SLC25A48: variants seen among roughly 807,000 people sequenced by gnomAD.
SLC25A48 encodes solute carrier family 25 member 48, also known as CTC-321K16.1.
Under a neutral mutation model 32.2 loss-of-function variants are expected in SLC25A48, and 29 were observed. The ratio of observed to expected loss-of-function variants is 0.90; its 90% CI spans 0.67 to 1.23. The LOEUF (loss-of-function observed/expected upper bound fraction) is 1.23, where lower values mean the gene tolerates loss of function less well. SLC25A48 is among the 50% of genes most tolerant of loss of function. The pLI is 0.00. For missense variants in SLC25A48, 399 were observed against 422.7 expected, an observed-to-expected ratio of 0.94 and a Z score of 0.49; for synonymous variants, 164 against 172.3, an observed-to-expected ratio of 0.95 and a Z score of 0.38.
chr5:135,850,721 G>A (rs1367588802), intron 3 of SLC25A48, among the ~76,000 whole-genome samples: 1 of 152,252 alleles, frequency 6.6e-6, no homozygotes, highest in Non-Finnish European at 1.5e-5. Flanking sequence ...CTCCAGTTGT[G>A]TGTAACCTCT....
chr5:135,790,110 T>C (rs1254475904), intron 3 of SLC25A48, among the ~76,000 whole-genome samples: 2 of 151,648 alleles, frequency 1.3e-5, no homozygotes, highest in East Asian at 1.9e-4. Context: ...TTGGATATGA[T>C]GAATGATATC....
rs974748408 is a variant in SLC25A48 at position 135,763,138 on chromosome 5, C to A, written c.-520-49385C>A. ...AGAAAAAGACAGTTGAAACACAAAC[C>A]CTGACCGTGGAGAGCTCACAGCCTG... is the stretch of plus-strand genomic sequence containing the variant. On this transcript the variant is annotated intron_variant, in intron 3 of 10. Transcript: ENST00000646290. 5.9e-5 allele frequency among the ~76,000 whole-genome samples: 9 copies of A among 151,980 alleles called. 1 individual carries two copies. Among genetic ancestry groups the A allele is most frequent in the Admixed American group, 3.9e-4 (6 of 15,236 alleles).
At chr5:135,665,455 T>C (rs1369370265) in intron 3 of SLC25A48, among the ~76,000 whole-genome samples, 2 of 152,126 alleles carry the variant, frequency 1.3e-5, no homozygotes, top group Non-Finnish European at 2.9e-5. Flanking sequence ...TATTTTTGTT[T>C]ATTTTATTTT....
intron 4 of SLC25A48, among the ~76,000 whole-genome samples, chr5:135,857,533 C>G (rs558145728): frequency 6.6e-6 from 1 of 152,350 alleles, no homozygotes; most frequent in Non-Finnish European, 1.5e-5. Context: ...TCACGTATCT[C>G]CAAGATGATA....
intron 7 of SLC25A48, among the ~76,000 whole-genome samples, chr5:135,886,763 G>A (rs1276784339): frequency 1.3e-5 from 2 of 149,228 alleles, no homozygotes; most frequent in Non-Finnish European, 3.0e-5. Context: ...GGGTGACAAT[G>A]GCAGGGACCC....
At chr5:135,626,446 C>T (rs557369280) in intron 1 of SLC25A48, among the ~76,000 whole-genome samples, 5 of 152,300 alleles carry the variant, frequency 3.3e-5, no homozygotes, top group African/African-American at 7.2e-5. Flanking sequence ...AATATTAGAA[C>T]ATTGAGCCCT....
At chr5:135,582,640 G>A (rs1318842368) in intron 1 of SLC25A48, among the ~76,000 whole-genome samples, 2 of 152,138 alleles carry the variant, frequency 1.3e-5, no homozygotes, top group African/African-American at 4.8e-5. Context: ...TGGAAGCCAA[G>A]TCCCCAGCAG....
chr5:135,686,512 G>A (rs375956442), intron 3 of SLC25A48, among the ~76,000 whole-genome samples: 3 of 152,184 alleles, frequency 2.0e-5, no homozygotes, highest in Non-Finnish European at 4.4e-5. Context: ...GCTGCTCCCC[G>A]TATGGTGGAG....
intron 1 of SLC25A48, among the ~76,000 whole-genome samples, chr5:135,595,689 G>T (rs1314267984): frequency 2.0e-5 from 3 of 152,164 alleles, no homozygotes; most frequent in Admixed American, 6.5e-5. Context: ...ACTGCTCTGA[G>T]ACTCCATTTC....
At chr5:135,876,225 A>G (rs754628143) in intron 6 of SLC25A48, 13 of 134,946 alleles carry the variant, frequency 9.6e-5, no homozygotes, top group African/African-American at 1.7e-4. Flanking sequence ...TTTCAAGTGG[A>G]TGATTCATTT....
intron 3 of SLC25A48, among the ~76,000 whole-genome samples, chr5:135,647,285 CCTGTT>C (rs1371790877): frequency 6.6e-6 from 1 of 152,102 alleles, no homozygotes; most frequent in African/African-American, 2.4e-5. Flanking sequence ...CTACTAGTGT[CCTGTT>C]CTGTTCCTTG....
At chr5:135,771,737 G>A (rs1028698620) in intron 3 of SLC25A48, among the ~76,000 whole-genome samples, 7 of 151,414 alleles carry the variant, frequency 4.6e-5, no homozygotes, top group African/African-American at 1.7e-4. Flanking sequence ...TAATATCCAA[G>A]GGGAGAGAGG....
chr5:135,766,076 G>T (rs1580854567), intron 3 of SLC25A48, among the ~76,000 whole-genome samples: 1 of 151,514 alleles, frequency 6.6e-6, no homozygotes, highest in Non-Finnish European at 1.5e-5. Flanking sequence ...TCCAGCGGGA[G>T]AGAGTAATAT....
At chr5:135,843,066 G>A (rs1163413862) in intron 2 of SLC25A48, among the ~76,000 whole-genome samples, 1 of 152,214 alleles carries the variant, frequency 6.6e-6, no homozygotes, top group Non-Finnish European at 1.5e-5. Context: ...CTTGCTCCCT[G>A]TATGAAAATG....
chr5:135,714,749 G>A (rs1250945042), intron 3 of SLC25A48: 2 of 152,292 alleles, frequency 1.3e-5, no homozygotes, highest in Admixed American at 6.5e-5. Context: ...GAGACAGGAA[G>A]GCCATTATTA....
chr5:135,617,091 C>A (rs1461464034), intron 1 of SLC25A48, among the ~76,000 whole-genome samples: 2 of 152,002 alleles, frequency 1.3e-5, no homozygotes. Context: ...CAATCCTAAA[C>A]TATTCTTTGT....
At chr5:135,774,128 G>A (rs1756488481) in intron 3 of SLC25A48, among the ~76,000 whole-genome samples, 1 of 151,294 alleles carries the variant, frequency 6.6e-6, no homozygotes, top group Admixed American at 6.6e-5. Context: ...CGAAGGGTGT[G>A]TACACCCCCC....
chr5:135,839,194 T>G (rs952607799), intron 1 of SLC25A48, among the ~76,000 whole-genome samples: 22 of 152,232 alleles, frequency 1.4e-4, no homozygotes, highest in Non-Finnish European at 4.4e-5. Flanking sequence ...GTTGATAGCA[T>G]TTGCTAACTC....
intron 4 of SLC25A48, among the ~76,000 whole-genome samples, chr5:135,853,760 C>A (rs1291466039): frequency 6.6e-6 from 1 of 152,204 alleles, no homozygotes; most frequent in Non-Finnish European, 1.5e-5. Context: ...GACCTCCTCC[C>A]ATGAACCCCA....
Sources: gnomAD v4.1 joint callset for allele counts (sites outside exome capture counted in the v4.1 genomes callset) on GRCh38, gnomAD v4.1.1 for gene constraint, MANE v1.5 for transcripts, NCBI Gene and HGNC (gene_info 2026-07-23, HGNC 2026-07-21) for gene names.